ZFHX3: variants seen among roughly 807,000 people sequenced by gnomAD.
ZFHX3 encodes the protein zinc finger homeobox protein 3.
In ZFHX3, 42 loss-of-function variants were observed where a neutral mutation model predicts 279.1. The observed-to-expected ratio is 0.15, with a 90% CI of 0.12 to 0.19. ZFHX3 has a LOEUF of 0.19. Among genes scored for constraint, ZFHX3 ranks in the 10% least tolerant of loss-of-function variants. The pLI is 1.00. For synonymous variants in ZFHX3, 2,293 were observed against 1,957.8 expected (o/e 1.17, Z -4.52); for missense variants, 4,981 against 4,754.0 (o/e 1.05, Z -1.40).
chr16:73,651,872 A>G (rs1416467278), intron 2 of ZFHX3, among the ~76,000 whole-genome samples: 5 of 147,054 alleles, frequency 3.4e-5, no homozygotes, highest in African/African-American at 1.2e-4. Context: ...AAAAAAAAAG[A>G]GACAAATTGA....
chr16:72,793,915 G>A lies in ZFHX3; in HGVS notation c.8767C>T (p.Pro2923Ser). 2 of 1,614,202 alleles carry A rather than the reference G, an allele frequency of 1.2e-6. No homozygotes were observed. The highest frequency in any genetic ancestry group is 1.7e-6 in the Non-Finnish European group (2 of 1,180,052). The part of the protein sequence containing the change: ...DYSETSSLAD[P>S]CSPSPGASGS... ...CTCGCACCAGGACTCGGGGAGCAGG[G>A]ATCTGCAAGGCTTGAGGTTTCACTG... Residue 2923 changes from proline (P) to serine (S), a missense_variant, in exon 9 of 10, where the codon CCC becomes TCC. This residue lies in a region of ZFHX3 where 168 missense variants were observed against 249.1 expected (regional missense o/e 0.67). Coordinates refer to ENST00000268489, the MANE Select transcript of ZFHX3 (RefSeq NM_006885.4). This position sits in a 1 kb window ranked among gnomAD's most constrained non-coding sequence, Gnocchi z 4.3.
chr16:73,258,822 T>A (rs566988399), intron 4 of ZFHX3, among the ~76,000 whole-genome samples: 2 of 152,336 alleles, frequency 1.3e-5, no homozygotes, highest in South Asian at 4.1e-4. Context: ...CTTTCTCAAT[T>A]CTTTCTCTCT....
intron 7 of ZFHX3, among the ~76,000 whole-genome samples, chr16:73,124,292 G>A (rs567544651): frequency 1.4e-3 from 216 of 152,252 alleles, no homozygotes; most frequent in Non-Finnish European, 2.6e-3. Context: ...GAGGGCCTGC[G>A]TTCTGGTTCA....
intron 3 of ZFHX3, among the ~76,000 whole-genome samples, chr16:73,368,792 C>T (rs1408026930): frequency 6.6e-6 from 1 of 152,136 alleles, no homozygotes; most frequent in African/African-American, 2.4e-5. Context: ...GGCACTTTGT[C>T]CACATTAATT....
intron 2 of ZFHX3, among the ~76,000 whole-genome samples, chr16:73,496,052 G>A (rs945618837): frequency 6.6e-6 from 1 of 152,144 alleles, no homozygotes; most frequent in Non-Finnish European, 1.5e-5. Context: ...TTGCAGACTC[G>A]CACACACGGA....
intron 1 of ZFHX3, among the ~76,000 whole-genome samples, chr16:73,707,546 C>T (rs981680606): frequency 1.5e-5 from 2 of 131,900 alleles, no homozygotes; most frequent in African/African-American, 5.9e-5. Flanking sequence ...ACAATGAGAA[C>T]ACAGGGACAC....
intron 4 of ZFHX3, among the ~76,000 whole-genome samples, chr16:73,289,754 GC>G (rs1372135175): frequency 1.3e-5 from 2 of 152,078 alleles, no homozygotes; most frequent in African/African-American, 4.8e-5. Flanking sequence ...ATTCTGGTGA[GC>G]CCCCAGGGGA....
chr16:73,168,279 C>CTTTCTTTCTTTCTTTCTA (rs1555502322), intron 5 of ZFHX3, among the ~76,000 whole-genome samples: 1 of 143,738 alleles, frequency 7.0e-6, no homozygotes, highest in Non-Finnish European at 1.5e-5. Context: ...TTCTTTCTTT[C>CTTTCTTTCTTTCTTTCTA]GAGACAAAGT....
At chr16:73,040,525 G>A (rs925825239) in intron 1 of ZFHX3, among the ~76,000 whole-genome samples, 11 of 151,834 alleles carry the variant, frequency 7.2e-5, no homozygotes, top group Non-Finnish European at 1.3e-4. Context: ...TTGGAGGGCC[G>A]CCTGCCAGCC....
At chr16:73,068,994 AG>A (rs1283521146) in intron 8 of ZFHX3, among the ~76,000 whole-genome samples, 1 of 152,160 alleles carries the variant, frequency 6.6e-6, no homozygotes, top group African/African-American at 2.4e-5. Flanking sequence ...CAACTGCACA[AG>A]GGGGAAGGGT....
At chr16:73,760,716 AC>A (rs1467887108) in intron 1 of ZFHX3, among the ~76,000 whole-genome samples, 1 of 152,194 alleles carries the variant, frequency 6.6e-6, no homozygotes, top group African/African-American at 2.4e-5. Flanking sequence ...AGAACTAAAG[AC>A]AAAAAACACA....
chr16:73,687,035 TATATATA>T (rs1340597351), intron 1 of ZFHX3, among the ~76,000 whole-genome samples: 1 of 69,036 alleles, frequency 1.4e-5, no homozygotes, highest in African/African-American at 6.0e-5. Flanking sequence ...TATATATATA[TATATATA>T]TATATATATA....
At chr16:72,841,396 GA>G (rs1315765744) in intron 4 of ZFHX3, among the ~76,000 whole-genome samples, 3 of 152,202 alleles carry the variant, frequency 2.0e-5, no homozygotes, top group African/African-American at 4.8e-5. Context: ...ATTAATGGGG[GA>G]AAAAGCAGAT....
intron 7 of ZFHX3, among the ~76,000 whole-genome samples, chr16:72,810,185 T>C (rs998107102): frequency 2.1e-5 from 3 of 145,844 alleles, no homozygotes; most frequent in African/African-American, 7.8e-5. Context: ...TGCCCAGCCT[T>C]TTTTTTCTTT....
chr16:73,379,152 G>A (rs905733185), intron 3 of ZFHX3, among the ~76,000 whole-genome samples: 1 of 152,142 alleles, frequency 6.6e-6, no homozygotes, highest in Non-Finnish European at 1.5e-5. Flanking sequence ...TTTTTAGGAT[G>A]TTTTTACTGA....
At chr16:73,275,088 T>A (rs1265765767) in intron 4 of ZFHX3, among the ~76,000 whole-genome samples, 1 of 152,216 alleles carries the variant, frequency 6.6e-6, no homozygotes, top group Non-Finnish European at 1.5e-5. Context: ...TTAGTCTATA[T>A]CACTGTGCAG....
intron 2 of ZFHX3, among the ~76,000 whole-genome samples, chr16:73,564,229 G>A (rs936021319): frequency 2.0e-5 from 3 of 152,174 alleles, no homozygotes; most frequent in African/African-American, 4.8e-5. Context: ...AGACGGCCAC[G>A]TATCATGGTC....
At position 72,889,972 on chromosome 16, in the gene ZFHX3, A is replaced by G. The variant is rs1309058838; in HGVS notation, c.3217-10T>C. On this transcript the variant is annotated splice_polypyrimidine_tract_variant and intron_variant, in intron 3 of 9. Coordinates refer to ENST00000268489, the MANE Select transcript of ZFHX3 (RefSeq NM_006885.4). ...CATGCTGCTGCAGGTGCTGCAAGTA[A>G]CAAAAGAGAAAGACATGCCTTGGGT... 7 of 1,609,520 alleles carry G rather than the reference A, an allele frequency of 4.3e-6. No homozygotes were observed. Among genetic ancestry groups the G allele is most frequent in the Non-Finnish European group, 5.9e-6 (7 of 1,178,518 alleles).
chr16:73,742,086 C>T (rs2053662784), intron 1 of ZFHX3, among the ~76,000 whole-genome samples: 1 of 152,200 alleles, frequency 6.6e-6, no homozygotes, highest in Non-Finnish European at 1.5e-5. Flanking sequence ...CAACTCATAA[C>T]CACCTCAAAT....
Sources: allele counts gnomAD v4.1 joint callset (sites outside exome capture counted in the v4.1 genomes callset), GRCh38; gene constraint gnomAD v4.1.1; regional missense constraint gnomAD v4.1.1; non-coding constraint Gnocchi (gnomAD v3.1); transcripts MANE v1.5; gene names NCBI Gene and HGNC (gene_info 2026-07-23, HGNC 2026-07-21).